The following NCAM2 variants were observed in gnomAD, a reference collection of about 807,000 sequenced individuals.
The protein encoded by NCAM2 is N-CAM-2.
A neutral mutation model predicts 98.1 loss-of-function variants in NCAM2; 30 were observed. The ratio of observed to expected loss-of-function variants is 0.31; its 90% CI spans 0.23 to 0.41. The LOEUF is 0.41. Ranked by LOEUF, NCAM2 falls within the 10% of genes least tolerant of loss-of-function variation. NCAM2 has a pLI of 1.00. For missense variants in NCAM2, 867 were observed against 1,005.8 expected (o/e 0.86, Z 1.87); for synonymous variants, 368 against 342.4 (o/e 1.07, Z -0.83).
chr21:21,293,165 A>G (rs1412838968), intron 5 of NCAM2, among the ~76,000 whole-genome samples: 1 of 151,952 alleles, frequency 6.6e-6, no homozygotes, highest in Non-Finnish European at 1.5e-5. Flanking sequence ...ATTTTGTTGA[A>G]CAATTTCATC....
intron 1 of NCAM2, among the ~76,000 whole-genome samples, chr21:21,100,192 A>G (rs1474000106): frequency 6.6e-6 from 1 of 151,998 alleles, no homozygotes; most frequent in African/African-American, 2.4e-5. Context: ...CATCCTTTTT[A>G]GGAAGGTAAA....
At chr21:21,306,246 C>T (rs1348115839) in intron 5 of NCAM2, among the ~76,000 whole-genome samples, 1 of 152,044 alleles carries the variant, frequency 6.6e-6, no homozygotes, top group Non-Finnish European at 1.5e-5. Flanking sequence ...TCTTTTTAAC[C>T]TACTTGCTCT....
chr21:21,452,964 T>G (rs1325671966), intron 12 of NCAM2, among the ~76,000 whole-genome samples: 416 of 32,530 alleles, frequency 0.013, no homozygotes, highest in Non-Finnish European at 0.019. Flanking sequence ...ATATTATATA[T>G]TATATATTAT....
intron 16 of NCAM2, among the ~76,000 whole-genome samples, chr21:21,512,011 G>A (rs1243961535): frequency 6.6e-6 from 1 of 151,674 alleles, no homozygotes; most frequent in Non-Finnish European, 1.5e-5. Context: ...CTTGTCAGAT[G>A]GGTACTTTAT....
intron 1 of NCAM2, among the ~76,000 whole-genome samples, chr21:21,029,873 G>A (rs538606611): frequency 2.6e-5 from 4 of 151,960 alleles, no homozygotes; most frequent in African/African-American, 4.8e-5. Flanking sequence ...CTCGTGATTC[G>A]CCCGCCTGAG....
chr21:21,022,517 T>C (rs2064458744), intron 1 of NCAM2, among the ~76,000 whole-genome samples: 1 of 152,140 alleles, frequency 6.6e-6, no homozygotes, highest in South Asian at 2.1e-4. Flanking sequence ...CAAGTATTAC[T>C]ATTCAGGTAA....
At chr21:21,528,187 G>T (rs1353881745) in intron 16 of NCAM2, among the ~76,000 whole-genome samples, 1 of 152,220 alleles carries the variant, frequency 6.6e-6, no homozygotes, top group Non-Finnish European at 1.5e-5. Flanking sequence ...GGTTGCACAT[G>T]TTGGAAAGAA....
intron 12 of NCAM2, among the ~76,000 whole-genome samples, chr21:21,437,895 C>T (rs895010114): frequency 8.3e-5 from 12 of 145,228 alleles, no homozygotes; most frequent in African/African-American, 3.1e-4. Flanking sequence ...AATTAGAATA[C>T]ATATTTAAAG....
intron 16 of NCAM2, among the ~76,000 whole-genome samples, chr21:21,518,878 A>G (rs1988857397): frequency 6.6e-6 from 1 of 152,146 alleles, no homozygotes; most frequent in African/African-American, 2.4e-5. Context: ...TGAAATGTCC[A>G]GTAGTGATAA....
intron 1 of NCAM2, among the ~76,000 whole-genome samples, chr21:21,037,889 A>T (rs1421168464): frequency 6.6e-6 from 1 of 152,186 alleles, no homozygotes; most frequent in Middle Eastern, 3.2e-3. Flanking sequence ...ATAGTGTTGA[A>T]GCAGAACATT....
intron 1 of NCAM2, among the ~76,000 whole-genome samples, chr21:21,003,332 C>T (rs1786110519): frequency 6.6e-6 from 1 of 152,038 alleles, no homozygotes. Flanking sequence ...AATTTCAGGT[C>T]CATTGATCAA....
chr21:21,096,736 T>C (rs1359466980), intron 1 of NCAM2, among the ~76,000 whole-genome samples: 1 of 151,642 alleles, frequency 6.6e-6, no homozygotes, highest in Non-Finnish European at 1.5e-5. Context: ...TGCAAGCGTT[T>C]ATTTAATGTT....
At chr21:21,486,761 C>T (rs1430768271) in intron 15 of NCAM2, among the ~76,000 whole-genome samples, 7 of 151,992 alleles carry the variant, frequency 4.6e-5, no homozygotes, top group Non-Finnish European at 1.0e-4. Context: ...CTCAAGGTCA[C>T]TAAGTGATAT....
intron 8 of NCAM2, among the ~76,000 whole-genome samples, chr21:21,350,651 CAG>C (rs768683750): frequency 6.6e-6 from 1 of 152,148 alleles, no homozygotes; most frequent in Non-Finnish European, 1.5e-5. Context: ...TGGTTAAAAA[CAG>C]AGCTATTTTA....
At chr21:21,296,824 AGTGTGG>A (rs2073501543) in intron 5 of NCAM2, among the ~76,000 whole-genome samples, 1 of 151,744 alleles carries the variant, frequency 6.6e-6, no homozygotes. Context: ...TAAGACTTCT[AGTGTGG>A]GTTTTAGGGC....
At chr21:21,180,637 G>C (rs905657592) in intron 1 of NCAM2, among the ~76,000 whole-genome samples, 1 of 152,082 alleles carries the variant, frequency 6.6e-6, no homozygotes, top group South Asian at 2.1e-4. Context: ...TTTAATACAA[G>C]AAAATACTAT....
chr21:21,202,005 T>C (rs1365429092), intron 1 of NCAM2, among the ~76,000 whole-genome samples: 1 of 152,168 alleles, frequency 6.6e-6, no homozygotes, highest in Non-Finnish European at 1.5e-5. Flanking sequence ...TGCATCAGTG[T>C]CGCTTAAATG....
intron 1 of NCAM2, among the ~76,000 whole-genome samples, chr21:21,276,760 A>G (rs2072743834): frequency 6.6e-6 from 1 of 152,058 alleles, no homozygotes; most frequent in African/African-American, 2.4e-5. Context: ...TTTGGGAAAT[A>G]TAGTGAAGTA....
intron 16 of NCAM2, among the ~76,000 whole-genome samples, chr21:21,531,505 A>G (rs1218742692): frequency 1.4e-5 from 2 of 147,408 alleles, no homozygotes; most frequent in South Asian, 4.4e-4. Context: ...GTTTTATGCA[A>G]TGAGTTAGTG....
Sources: allele counts gnomAD v4.1 joint callset (sites outside exome capture counted in the v4.1 genomes callset), GRCh38; gene constraint gnomAD v4.1.1; transcripts MANE v1.5; gene names NCBI Gene and HGNC (gene_info 2026-07-23, HGNC 2026-07-21).